SRGAP2: variants seen among roughly 807,000 people sequenced by gnomAD.
SRGAP2 encodes SLIT-ROBO Rho GTPase activating protein 2.
In SRGAP2, 15 loss-of-function variants were observed where a neutral mutation model predicts 57.2. The observed-to-expected ratio is 0.26, with a 90% CI of 0.18 to 0.40. The LOEUF (loss-of-function observed/expected upper bound fraction) is 0.40, where lower values mean the gene tolerates loss of function less well. Among genes scored for constraint, SRGAP2 ranks in the 10% least tolerant of loss-of-function variants. The pLI, the probability that SRGAP2 is intolerant of heterozygous loss-of-function variation, is 1.00. For synonymous variants in SRGAP2, 249 were observed against 248.0 expected (o/e 1.00, Z -0.04); for missense variants, 520 against 669.6 (o/e 0.78, Z 2.47).
At position 206,458,659 on chromosome 1, in the gene SRGAP2, A is replaced by G. The variant is rs782666240; in HGVS notation, c.2544A>G (p.Lys848=). ...GTCCAGAATCTGGGAGCATCCGGAA[A>G]ACTTTTCGGAGTGACAGCCATGGGC... is the stretch of plus-strand genomic sequence containing the variant. The part of the protein sequence containing the change: ...RKRPESGSIR[K]TFRSDSHGLS... Residue 848 remains lysine (K), a synonymous_variant, in exon 22 of 23, where the codon AAA becomes AAG. Coordinates refer to ENST00000573034, the MANE Select transcript of SRGAP2 (RefSeq NM_015326.5). 6.5e-6 allele frequency: 5 copies of G among 770,944 alleles called. No homozygotes were observed. Among genetic ancestry groups the G allele is most frequent in the Admixed American group, 1.7e-5 (1 of 58,154 alleles). 47.8% of individuals were successfully genotyped at this position (770,944 alleles called of 1,614,324 possible).
intron 3 of SRGAP2, among the ~76,000 whole-genome samples, chr1:206,331,219 T>C (rs2102873878): frequency 9.9e-5 from 1 of 10,088 alleles, no homozygotes. Flanking sequence ...AGGAGAGCTT[T>C]ACTTCCAACT....
chr1:206,248,338 CAG>C (rs1668626679), intron 2 of SRGAP2, among the ~76,000 whole-genome samples: 1 of 152,140 alleles, frequency 6.6e-6, no homozygotes, highest in South Asian at 2.1e-4. Context: ...TCCGGCCTCT[CAG>C]GGAAATAACC....
chr1:206,376,273 T>G (rs1472672122), intron 4 of SRGAP2, among the ~76,000 whole-genome samples: 2 of 151,806 alleles, frequency 1.3e-5, no homozygotes, highest in Non-Finnish European at 2.9e-5. Flanking sequence ...TCAGGAAAGC[T>G]GAATTATTTC....
intron 3 of SRGAP2, among the ~76,000 whole-genome samples, chr1:206,340,296 A>T (rs1675086927): frequency 2.2e-5 from 3 of 136,816 alleles, no homozygotes. Context: ...TACCTTTCTG[A>T]GCTAGCTGGC....
chr1:206,349,548 G>A (rs1675890301), intron 4 of SRGAP2, among the ~76,000 whole-genome samples: 1 of 147,378 alleles, frequency 6.8e-6, no homozygotes, highest in Non-Finnish European at 1.5e-5. Flanking sequence ...TCTAACCTTT[G>A]GAACCTGTGA....
chr1:206,221,230 G>A (rs551311774), intron 2 of SRGAP2, among the ~76,000 whole-genome samples: 27 of 149,234 alleles, frequency 1.8e-4, no homozygotes, highest in East Asian at 5.8e-4. Context: ...ATGAGCCACC[G>A]TACCTGGCCT....
chr1:206,266,389 A>T (rs1224374188), intron 2 of SRGAP2, among the ~76,000 whole-genome samples: 2 of 152,204 alleles, frequency 1.3e-5, no homozygotes, highest in East Asian at 1.9e-4. Flanking sequence ...GATTACAGGC[A>T]TGTGCCACCA....
At chr1:206,275,643 T>C (rs1218552764) in intron 2 of SRGAP2, among the ~76,000 whole-genome samples, 1 of 148,396 alleles carries the variant, frequency 6.7e-6, no homozygotes, top group Non-Finnish European at 1.5e-5. Flanking sequence ...TGAGACAGAG[T>C]CTCACTCTGT....
intron 2 of SRGAP2, among the ~76,000 whole-genome samples, chr1:206,243,786 GA>G (rs1553309659): frequency 6.6e-6 from 1 of 151,558 alleles, no homozygotes; most frequent in African/African-American, 2.4e-5. Flanking sequence ...TAGCATTTGA[GA>G]AATAGAGGGG....
Position 206,434,315 on chromosome 1 carries a change from T to C in SRGAP2, c.1556-2650T>C, listed in dbSNP as rs17014867. On this transcript the variant is annotated intron_variant, in intron 14 of 22. Coordinates refer to ENST00000573034, the MANE Select transcript of SRGAP2 (RefSeq NM_015326.5). ...AAAAAAACAAAAAAACAAACCGCCA[T>C]TTTCATGAGGAAGGGAGCAAGATAA... Among the ~76,000 whole-genome samples the C allele has an allele frequency of 6.3e-3, 955 of 152,242 alleles. 14 individuals are homozygous for C. The highest frequency in any genetic ancestry group is 0.022 in the African/African-American group (901 of 41,540).
At chr1:206,415,286 C>G (rs1229434281) in intron 10 of SRGAP2, among the ~76,000 whole-genome samples, 1 of 152,170 alleles carries the variant, frequency 6.6e-6, no homozygotes, top group African/African-American at 2.4e-5. Flanking sequence ...GTATTTAGAC[C>G]TGGATGTGTG....
chr1:206,419,594 C>T (rs1660114405), intron 12 of SRGAP2, among the ~76,000 whole-genome samples, 194 bp downstream of exon 12: 1 of 152,142 alleles, frequency 6.6e-6, no homozygotes, highest in African/African-American at 2.4e-5. Context: ...ATGGGGTTTT[C>T]TGGGACTTTG....
chr1:206,444,333 C>T (rs1312069977), intron 17 of SRGAP2, among the ~76,000 whole-genome samples: 1 of 152,228 alleles, frequency 6.6e-6, no homozygotes, highest in Non-Finnish European at 1.5e-5. Context: ...GTGTCCTCTT[C>T]AAGCTCCTGG....
chr1:206,230,021 T>C (rs552225981), intron 2 of SRGAP2, among the ~76,000 whole-genome samples: 1 of 152,232 alleles, frequency 6.6e-6, no homozygotes, highest in South Asian at 2.1e-4. Flanking sequence ...GTAATTTCTA[T>C]ATATTTTAAA....
intron 2 of SRGAP2, among the ~76,000 whole-genome samples, chr1:206,237,118 C>T (rs184458025): frequency 1.3e-4 from 20 of 151,284 alleles, no homozygotes; most frequent in Admixed American, 1.3e-4. Flanking sequence ...CAAAAATTAG[C>T]TAGGTGGGTG....
intron 2 of SRGAP2, among the ~76,000 whole-genome samples, chr1:206,249,789 A>G (rs1381574593): frequency 2.6e-5 from 4 of 151,732 alleles, no homozygotes; most frequent in African/African-American, 9.7e-5. Flanking sequence ...AAGACCCTCT[A>G]GGCTACTCTG....
Position 206,454,171 on chromosome 1 carries a change from T to C in SRGAP2, c.2361-707T>C, listed in dbSNP as rs1572198524. The C allele has an allele frequency of 1.4e-6, 1 of 702,524 alleles. No individual in the cohort carries two copies. Among genetic ancestry groups the C allele is most frequent in the Non-Finnish European group, 2.6e-6 (1 of 384,984 alleles). The allele number at this position is 702,524 out of a possible 1,614,324, so 43.5% of individuals were successfully genotyped here. A position where few individuals can be genotyped will look rare whatever the true frequency, so the allele number is the denominator to read the frequency against. ...TGATATCCTGAGTGAGTCTGCACCC[T>C]CCCAGCCTCTTCCCGGCTCGTTCTG... On this transcript the variant is annotated intron_variant, in intron 20 of 22. Coordinates refer to ENST00000573034, the MANE Select transcript of SRGAP2 (RefSeq NM_015326.5). This position sits in a 1 kb window ranked among gnomAD's most constrained non-coding sequence, Gnocchi z 4.3.
intron 3 of SRGAP2, among the ~76,000 whole-genome samples, chr1:206,325,196 T>C (rs1553329452): frequency 6.6e-6 from 1 of 152,072 alleles, no homozygotes; most frequent in Non-Finnish European, 1.5e-5. Flanking sequence ...GCAGTGACTT[T>C]AAAACATTTT....
rs189940350 is a variant in SRGAP2, at chr1:206,430,127, A to G, written c.1495-35A>G. On this transcript the variant is annotated intron_variant, in intron 13 of 22. Coordinates refer to ENST00000573034, the MANE Select transcript of SRGAP2 (RefSeq NM_015326.5). ...CTGACCCTGGGCTATCCCTGTTTGA[A>G]TATTCTAATGTTGTGTTTCCCTTTG... 3 of 780,508 alleles carry G rather than the reference A, an allele frequency of 3.8e-6. No individual in the cohort carries two copies. The African/African-American group carries it at 5.1e-5, about 13-fold the overall frequency. 48.3% of individuals were successfully genotyped at this position (780,508 alleles called of 1,614,324 possible).
Sources: allele counts gnomAD v4.1 joint callset (sites outside exome capture counted in the v4.1 genomes callset), GRCh38; gene constraint gnomAD v4.1.1; non-coding constraint Gnocchi (gnomAD v3.1); transcripts MANE v1.5; gene names NCBI Gene and HGNC (gene_info 2026-07-23, HGNC 2026-07-21).